The following FGF12 variants were observed in gnomAD, a reference collection of about 807,000 sequenced individuals.
The protein encoded by FGF12 is fibroblast growth factor 12.
FGF12 carries 14 observed loss-of-function variants against 23.6 expected under a neutral mutation model. That is an observed-to-expected ratio of 0.59 (90% CI 0.39 to 0.93). FGF12 has a LOEUF of 0.93. Ranked by LOEUF, FGF12 falls within the 40% of genes least tolerant of loss-of-function variation. The pLI is 0.00. For synonymous variants in FGF12, 62 were observed against 77.3 expected, an observed-to-expected ratio of 0.80 and a Z score of 1.04; for missense variants, 175 against 217.8, an observed-to-expected ratio of 0.80 and a Z score of 1.24.
In FGF12 at chr3:192,409,079, GA is replaced by G; in HGVS notation, c.14-48542del. ...AGAGAGCGGGAGGCGAGGGAGGGGG[GA>G]GGGCGCGAGGGAGGGAGGGAGATCC... is the stretch of plus-strand genomic sequence containing the variant. On this transcript the variant is annotated intron_variant, in intron 2 of 5. Coordinates refer to ENST00000445105, the MANE Select transcript of FGF12 (RefSeq NM_004113.6). This position sits in a 1 kb window ranked among gnomAD's most constrained non-coding sequence, Gnocchi z 4.8. 5.4e-6 allele frequency: 2 copies of G among 370,520 alleles called. No individual in the cohort carries two copies. Among genetic ancestry groups the G allele is most frequent in the Non-Finnish European group, 7.4e-6 (2 of 269,140 alleles). 23.0% of individuals were successfully genotyped at this position (370,520 alleles called of 1,614,324 possible).
intron 2 of FGF12, among the ~76,000 whole-genome samples, chr3:192,376,335 TTTAATTTTA>T (rs1453411817): frequency 7.8e-6 from 1 of 128,306 alleles, no homozygotes; most frequent in Non-Finnish European, 1.6e-5. Context: ...TAATTATTAA[TTTAATTTTA>T]TTTATTTATT....
chr3:192,487,856 A>G (rs1422531295), intron 2 of FGF12, among the ~76,000 whole-genome samples: 2 of 152,070 alleles, frequency 1.3e-5, no homozygotes, highest in African/African-American at 4.8e-5. Context: ...TAGGTCGGGA[A>G]TTTTAACTTG....
chr3:192,347,184 A>G (rs909634719), intron 3 of FGF12, among the ~76,000 whole-genome samples: 2 of 152,144 alleles, frequency 1.3e-5, no homozygotes, highest in South Asian at 4.1e-4. Flanking sequence ...AAAACAATTT[A>G]ATATTCAATA....
rs578003394 is a variant in FGF12 at position 192,205,424 on chromosome 3, C to G, written c.229-34768G>C. Among the ~76,000 whole-genome samples, 5 of 152,226 alleles carry G rather than the reference C, an allele frequency of 3.3e-5. No homozygotes were observed. The South Asian group carries it at 8.3e-4, about 25-fold the overall frequency. ...TTCTTGGACCTAGGTCTTTGAGAGACGCAGCGTTCCTGAGGACAATCAATT... is the reference window on the plus strand; with the variant it reads ...TTCTTGGACCTAGGTCTTTGAGAGAGGCAGCGTTCCTGAGGACAATCAATT... On this transcript the variant is annotated intron_variant, in intron 4 of 5. Transcript: ENST00000445105.
intron 2 of FGF12, among the ~76,000 whole-genome samples, chr3:192,684,372 C>G (rs917505279): frequency 1.3e-5 from 2 of 152,152 alleles, no homozygotes; most frequent in East Asian, 3.9e-4. Flanking sequence ...AAAAACAGAT[C>G]TAAAGCTCCT....
At chr3:192,712,326 T>A (rs201535273) in intron 2 of FGF12, among the ~76,000 whole-genome samples, 1 of 135,122 alleles carries the variant, frequency 7.4e-6, no homozygotes, top group African/African-American at 3.0e-5. Flanking sequence ...TTTCAAAAAC[T>A]AAATTATTTT....
rs141971084 is a variant in FGF12, at chr3:192,199,342, C to T, written c.229-28686G>A. On this transcript the variant is annotated intron_variant, in intron 4 of 5. Transcript: ENST00000445105. ...GTCTTTTTCTATTCAACCTCCCTAA[C>T]GTTTCACTCAAGGATAGCATTTCAT... 8.7e-3 allele frequency among the ~76,000 whole-genome samples: 1,325 copies of T among 152,282 alleles called. 19 individuals are homozygous for T. The highest frequency in any genetic ancestry group is 0.03 in the African/African-American group (1,264 of 41,562).
intron 4 of FGF12, among the ~76,000 whole-genome samples, chr3:192,188,849 T>C (rs992448299): frequency 6.6e-6 from 1 of 152,260 alleles, no homozygotes; most frequent in Non-Finnish European, 1.5e-5. Context: ...CACCTAGATA[T>C]GATCCACAAA....
In FGF12 at chr3:192,470,373, TTTGTTG is replaced by T. The variant is rs559328017; in HGVS notation, c.14-109841_14-109836del. On this transcript the variant is annotated intron_variant, in intron 2 of 5. Transcript: ENST00000445105. Reference sequence around the variant, plus strand: ...AAATATCTTGTTTTAGTAATGGAACTTTGTTGTTGTTGTTGTTGTTGTTGTAGTTGT... The same window carrying T: ...AAATATCTTGTTTTAGTAATGGAACTTTGTTGTTGTTGTTGTTGTAGTTGT... 8.6e-5 allele frequency among the ~76,000 whole-genome samples: 13 copies of T among 151,944 alleles called. No individual in the cohort carries two copies. The South Asian group carries it at 2.5e-3, about 29-fold the overall frequency.
intron 4 of FGF12, among the ~76,000 whole-genome samples, chr3:192,274,038 G>A (rs1233127203): frequency 6.6e-6 from 1 of 152,006 alleles, no homozygotes; most frequent in African/African-American, 2.4e-5. Context: ...TAAAATAGAT[G>A]CCTCAAGGTT....
intron 4 of FGF12, among the ~76,000 whole-genome samples, chr3:192,220,580 C>T (rs1477975862): frequency 1.3e-5 from 2 of 152,052 alleles, no homozygotes; most frequent in African/African-American, 2.4e-5. Context: ...TTTTATTCCG[C>T]CTCTCATACA....
rs549690167 is a variant in FGF12 at position 192,725,030 on chromosome 3, T to C, written c.13+2151A>G. The stretch of plus-strand genomic sequence containing the variant: ...ATTTGAATCTGTTGGGGGAAGAAGT[T>C]TGTACACGGCAGCATAAAATGTGAA... On this transcript the variant is annotated intron_variant, in intron 2 of 5. Transcript: ENST00000445105. 8.0e-4 allele frequency among the ~76,000 whole-genome samples: 122 copies of C among 152,308 alleles called. 2 individuals are homozygous for C. In the South Asian group the frequency reaches 0.023, roughly 29 times the overall value.
intron 2 of FGF12, among the ~76,000 whole-genome samples, chr3:192,706,358 C>T (rs1421537977): frequency 1.3e-5 from 2 of 152,062 alleles, no homozygotes; most frequent in East Asian, 1.9e-4. Flanking sequence ...CTTTCGCCCA[C>T]CTCATATTAC....
intron 2 of FGF12, among the ~76,000 whole-genome samples, chr3:192,495,475 T>C (rs1257524149): frequency 6.6e-6 from 1 of 152,208 alleles, no homozygotes; most frequent in Non-Finnish European, 1.5e-5. Flanking sequence ...ATATTATATA[T>C]GTGTGTGTAA....
At chr3:192,168,905 T>C (rs1715380462) in intron 5 of FGF12, among the ~76,000 whole-genome samples, 3 of 152,328 alleles carry the variant, frequency 2.0e-5, no homozygotes, top group East Asian at 3.9e-4. Context: ...TTAGTTCTAC[T>C]TGAAGAAAGT....
At chr3:192,482,433 A>C (rs949328667) in intron 2 of FGF12, among the ~76,000 whole-genome samples, 3 of 152,140 alleles carry the variant, frequency 2.0e-5, no homozygotes, top group Non-Finnish European at 4.4e-5. Flanking sequence ...CAGGGGTTCG[A>C]GACCAGCCTG....
At chr3:192,520,041 T>G (rs1262806086) in intron 2 of FGF12, among the ~76,000 whole-genome samples, 1 of 152,194 alleles carries the variant, frequency 6.6e-6, no homozygotes, top group East Asian at 1.9e-4. Context: ...TCTGGGTTCT[T>G]TCTTTGGAGA....
chr3:192,642,363 C>G (rs573756896), intron 2 of FGF12, among the ~76,000 whole-genome samples: 121 of 152,234 alleles, frequency 7.9e-4, no homozygotes, highest in Non-Finnish European at 1.5e-3. Flanking sequence ...ACCCCAGAAC[C>G]CAAGTGCTCC....
chr3:192,494,758 T>C (rs779372221), intron 2 of FGF12, among the ~76,000 whole-genome samples: 3 of 152,134 alleles, frequency 2.0e-5, no homozygotes, highest in Non-Finnish European at 2.9e-5. Context: ...TGAAACACAG[T>C]TGTAGTACAG....
Sources: gnomAD v4.1 joint callset for allele counts (sites outside exome capture counted in the v4.1 genomes callset) on GRCh38, gnomAD v4.1.1 for gene constraint, Gnocchi (gnomAD v3.1) non-coding constraint, MANE v1.5 for transcripts, NCBI Gene and HGNC (gene_info 2026-07-23, HGNC 2026-07-21) for gene names.